Variants in ACR observed in about 807,000 individuals in gnomAD.
The protein encoded by ACR is acrosin light and heavy chain prepropeptide.
ACR carries 17 observed loss-of-function variants against 26.0 expected under a neutral mutation model. The ratio of observed to expected loss-of-function variants is 0.65; its 90% CI spans 0.45 to 0.98. ACR has a LOEUF of 0.98. ACR is among the 50% of genes least tolerant of loss of function. The pLI is 0.00. For synonymous variants in ACR, 199 were observed against 207.7 expected, an observed-to-expected ratio of 0.96 and a Z score of 0.36; for missense variants, 435 against 519.3, an observed-to-expected ratio of 0.84 and a Z score of 1.58.
rs916475420 is a variant in ACR, at chr22:50,739,075, T to C, written c.78-196T>C. Among the ~76,000 whole-genome samples the C allele has an allele frequency of 6.6e-6, 1 of 152,198 alleles. No individual in the cohort carries two copies. The highest frequency in any genetic ancestry group is 1.5e-5 in the Non-Finnish European group (1 of 68,028). The stretch of plus-strand genomic sequence containing the variant: ...CATCTGTGACTGCACCCACAAGACC[T>C]GAGAAGTCGTGGCCCCAGAACCATT... On this transcript the variant is annotated intron_variant, in intron 1 of 4. Coordinates refer to ENST00000216139, the MANE Select transcript of ACR (RefSeq NM_001097.3). The surrounding 1 kb of genome is among the most constrained non-coding windows in gnomAD (Gnocchi z 5.5).
At chr22:50,742,468 C>T (rs1234635456) in intron 3 of ACR, among the ~76,000 whole-genome samples, 1 of 150,796 alleles carries the variant, frequency 6.6e-6, no homozygotes, top group African/African-American at 2.4e-5. Flanking sequence ...GGCGTGAACC[C>T]AGGAGGCGGA....
At chr22:50,742,226 G>T (rs879697942) in intron 3 of ACR, among the ~76,000 whole-genome samples, 1 of 152,076 alleles carries the variant, frequency 6.6e-6, no homozygotes, top group Non-Finnish European at 1.5e-5. Context: ...TGGCTTTCAA[G>T]ACTATGGGCT....
chr22:50,741,139 C>CT (rs567680767), intron 3 of ACR, among the ~76,000 whole-genome samples: 1,541 of 152,242 alleles, frequency 0.01, 16 homozygotes, highest in South Asian at 0.014. Flanking sequence ...AAAACGCAGC[C>CT]TTTTTTGGGT....
chr22:50,740,036 G>T, intron 3 of ACR, 59 bp downstream of exon 3: 1 of 1,604,990 alleles, frequency 6.2e-7, no homozygotes, highest in Non-Finnish European at 8.5e-7. Context: ...GGTGGTCTTT[G>T]AGGTGCAGCG....
In ACR at chr22:50,739,156, C is replaced by G; in HGVS notation, c.78-115C>G. ...AGGCTGCCCCTGCTTTCCCAGAACC[C>G]GGAAGCTCTTCCCCACTTTTCCCAA... On this transcript the variant is annotated intron_variant, in intron 1 of 4. Coordinates refer to ENST00000216139, the MANE Select transcript of ACR (RefSeq NM_001097.3). The surrounding 1 kb of genome is among the most constrained non-coding windows in gnomAD (Gnocchi z 5.5). 1.1e-6 allele frequency: 1 copy of G among 938,310 alleles called. No homozygotes were observed. The highest frequency in any genetic ancestry group is 2.7e-5 in the East Asian group (1 of 37,664). 58.1% of individuals were successfully genotyped at this position (938,310 alleles called of 1,614,324 possible). A position where few individuals can be genotyped will look rare whatever the true frequency, so the allele number is the denominator to read the frequency against.
At chr22:50,740,483 C>T (rs1294953897) in intron 3 of ACR, 10 of 642,608 alleles carry the variant, frequency 1.6e-5, no homozygotes, top group Non-Finnish European at 2.3e-5. Flanking sequence ...TTGTCACCAT[C>T]AGCAGCCACC....
At chr22:50,744,330 A>G in intron 4 of ACR, 124 bp downstream of exon 4, 2 of 770,052 alleles carry the variant, frequency 2.6e-6, no homozygotes, top group South Asian at 3.5e-5. Context: ...GCCCTTCTCT[A>G]GTGACTGCTT....
intron 3 of ACR, among the ~76,000 whole-genome samples, chr22:50,741,267 A>T (rs981981989): frequency 1.4e-4 from 21 of 152,014 alleles, no homozygotes; most frequent in Admixed American, 5.2e-4. Flanking sequence ...CAGGGAAGGG[A>T]GTCTCATCCC....
intron 1 of ACR, 89 bp downstream of exon 1, chr22:50,738,401 G>C: frequency 1.5e-6 from 2 of 1,352,232 alleles, no homozygotes; most frequent in South Asian, 1.2e-5. Flanking sequence ...GGGAAAAGGA[G>C]GCTGCATCCC....
intron 3 of ACR, chr22:50,740,333 G>A: frequency 1.8e-6 from 1 of 571,020 alleles, no homozygotes; most frequent in South Asian, 2.0e-5. Context: ...AGGTTATGTG[G>A]CCGTATGACA....
chr22:50,743,263 C>T (rs2083434445), intron 3 of ACR, among the ~76,000 whole-genome samples: 1 of 152,070 alleles, frequency 6.6e-6, no homozygotes, highest in South Asian at 2.1e-4. Flanking sequence ...TCTCGAACTC[C>T]TGACCTCGTG....
intron 3 of ACR, chr22:50,740,953 T>A (rs2083422479): frequency 2.1e-6 from 1 of 480,464 alleles, no homozygotes; most frequent in South Asian, 2.5e-5. Context: ...GGTGACCCCA[T>A]TAAATGGCAG....
At chr22:50,740,180 G>T (rs1390320695) in intron 3 of ACR, 2 of 719,752 alleles carry the variant, frequency 2.8e-6, no homozygotes, top group African/African-American at 1.7e-5. Context: ...CTACGGGGGG[G>T]CTGACAGCAG....
intron 3 of ACR, 139 bp from the exon 4 acceptor site, chr22:50,743,922 A>G: frequency 1.3e-6 from 1 of 745,390 alleles, no homozygotes; most frequent in Non-Finnish European, 2.3e-6. Context: ...TCTGGTGTAT[A>G]AGGAGGGGTC....
At chr22:50,741,779 A>G (rs1375696493) in intron 3 of ACR, among the ~76,000 whole-genome samples, 3 of 150,498 alleles carry the variant, frequency 2.0e-5, no homozygotes, top group Admixed American at 6.6e-5. Flanking sequence ...TTGCTTGGGT[A>G]TTGCTTCTTT....
intron 3 of ACR, among the ~76,000 whole-genome samples, chr22:50,742,506 C>T (rs9616824): frequency 0.2 from 29,396 of 147,952 alleles, 3,072 homozygotes; most frequent in Non-Finnish European, 0.23. Flanking sequence ...ATGGCGCCAC[C>T]GCACTCCAGC....
intron 3 of ACR, chr22:50,740,804 G>A (rs1254253342): frequency 1.6e-5 from 11 of 682,628 alleles, no homozygotes; most frequent in African/African-American, 5.3e-5. Context: ...AATTTCTTCC[G>A]TACCAGACCA....
rs73433406 is a variant in ACR, at chr22:50,742,147, C to T, written c.566-1914C>T. Reference sequence around the variant, plus strand: ...GCGAAACTTCATCTCAAAAAAAACCCGCCAAGGTGTTGGGATTTAGAAAAC... The same window carrying T: ...GCGAAACTTCATCTCAAAAAAAACCTGCCAAGGTGTTGGGATTTAGAAAAC... On this transcript the variant is annotated intron_variant, in intron 3 of 4. Coordinates refer to ENST00000216139, the MANE Select transcript of ACR (RefSeq NM_001097.3). 4.5e-3 allele frequency among the ~76,000 whole-genome samples: 691 copies of T among 151,872 alleles called. 4 individuals are homozygous for T. Among genetic ancestry groups the T allele is most frequent in the Middle Eastern group, 0.014 (4 of 294 alleles).
chr22:50,738,426 C>T (rs1443052048), intron 1 of ACR, 114 bp downstream of exon 1: 2 of 1,093,384 alleles, frequency 1.8e-6, no homozygotes, highest in Non-Finnish European at 2.7e-6. Flanking sequence ...CTGGACCCCC[C>T]CTGCTCCCAG....
Sources: gnomAD v4.1 joint callset for allele counts (sites outside exome capture counted in the v4.1 genomes callset) on GRCh38, gnomAD v4.1.1 for gene constraint, Gnocchi (gnomAD v3.1) non-coding constraint, MANE v1.5 for transcripts, NCBI Gene and HGNC (gene_info 2026-07-23, HGNC 2026-07-21) for gene names.